HAPSTR1: variants seen among roughly 807,000 people sequenced by gnomAD.
HAPSTR1 encodes HUWE1-associated protein modifying stress responses 1.
the HAPSTR1 span, among the ~76,000 whole-genome samples, chr16:9,100,571 T>C: frequency 6.6e-6 from 1 of 152,332 alleles, no homozygotes; most frequent in East Asian, 1.9e-4. Context: ...TCTTACTCTT[T>C]CGCCCAGGCT....
chr16:9,091,774 G>C, the HAPSTR1 span: 1 of 395,578 alleles, frequency 2.5e-6, no homozygotes, highest in Non-Finnish European at 4.5e-6. Context: ...CGGCCGAGGC[G>C]AGGGGCGGCA....
the HAPSTR1 span, chr16:9,119,779 A>C: frequency 6.6e-6 from 1 of 152,270 alleles, no homozygotes; most frequent in East Asian, 1.9e-4. Flanking sequence ...AGGCTTTTAA[A>C]AAAGAATTAG....
the HAPSTR1 span, among the ~76,000 whole-genome samples, chr16:9,097,108 T>G: frequency 6.6e-6 from 1 of 151,814 alleles, no homozygotes; most frequent in Non-Finnish European, 1.5e-5. Context: ...CCAGGCTACT[T>G]TTTGTATGTT....
chr16:9,111,103 AGAATTAATTAGAACCAACCTGTTG>A, the HAPSTR1 span: 1 of 152,252 alleles, frequency 6.6e-6, no homozygotes, highest in Admixed American at 6.5e-5. Flanking sequence ...TCTGTTGCAG[AGAATTAATTAGAACCAACCTGTTG>A]GATTATACAC....
the HAPSTR1 span, chr16:9,093,079 G>T: frequency 7.3e-7 from 1 of 1,368,912 alleles, no homozygotes; most frequent in South Asian, 1.2e-5. Context: ...TTCCAAGTGT[G>T]TTTTCTGCTC....
chr16:9,116,657 C>G, the HAPSTR1 span: 1 of 1,601,408 alleles, frequency 6.2e-7, no homozygotes, highest in Admixed American at 1.7e-5. Flanking sequence ...AACCTTTTTT[C>G]TTCTTCCTAG....
chr16:9,117,979 A>G, the HAPSTR1 span: 23 of 152,662 alleles, frequency 1.5e-4, no homozygotes, highest in African/African-American at 5.3e-4. Context: ...TAAAAAGTTC[A>G]GTTTGGAATC....
chr16:9,092,251 C>T, the HAPSTR1 span: 39 of 1,570,342 alleles, frequency 2.5e-5, no homozygotes, highest in South Asian at 1.5e-4. Context: ...CGGCCACCGC[C>T]GTGGCCCAGC....
At chr16:9,092,863 T>C in the HAPSTR1 span, 2 of 1,449,084 alleles carry the variant, frequency 1.4e-6, no homozygotes, top group Non-Finnish European at 1.9e-6. Flanking sequence ...TTTCTTTCTC[T>C]TTCTATGTGT....
chr16:9,095,242 A>G, the HAPSTR1 span, among the ~76,000 whole-genome samples: 2 of 152,160 alleles, frequency 1.3e-5, no homozygotes, highest in Non-Finnish European at 2.9e-5. Context: ...GAGTGTGTGG[A>G]TAATACTCTG....
At chr16:9,100,964 A>G in the HAPSTR1 span, among the ~76,000 whole-genome samples, 5 of 152,172 alleles carry the variant, frequency 3.3e-5, no homozygotes, top group African/African-American at 1.2e-4. Flanking sequence ...AGAATAAAAT[A>G]CCCTCATTCT....
chr16:9,115,973 C>T, the HAPSTR1 span, among the ~76,000 whole-genome samples: 1 of 152,182 alleles, frequency 6.6e-6, no homozygotes, highest in Admixed American at 6.5e-5. Flanking sequence ...CCTCTCCCCT[C>T]CCCACTTCCA....
At chr16:9,105,346 G>C in the HAPSTR1 span, 2 of 152,150 alleles carry the variant, frequency 1.3e-5, no homozygotes, top group African/African-American at 4.8e-5. Context: ...CTTACTCTTA[G>C]GGTTCATACC....
the HAPSTR1 span, chr16:9,120,695 T>TTTTTTTTTG: frequency 7.9e-6 from 1 of 126,062 alleles, no homozygotes; most frequent in Non-Finnish European, 1.7e-5. Context: ...TTTTTTTTTT[T>TTTTTTTTTG]GTGATGGAGT....
the HAPSTR1 span, among the ~76,000 whole-genome samples, chr16:9,101,320 G>T: frequency 2.0e-5 from 3 of 152,190 alleles, no homozygotes; most frequent in Non-Finnish European, 2.9e-5. Flanking sequence ...GAAGAAGTGA[G>T]AAATCAAAAT....
the HAPSTR1 span, among the ~76,000 whole-genome samples, chr16:9,093,829 A>G: frequency 6.6e-6 from 1 of 151,896 alleles, no homozygotes; most frequent in Non-Finnish European, 1.5e-5. Flanking sequence ...GAAGATTGAG[A>G]AATTTGGGGT....
chr16:9,092,155 G>T, the HAPSTR1 span: 2 of 1,563,760 alleles, frequency 1.3e-6, no homozygotes, highest in Non-Finnish European at 1.7e-6. Flanking sequence ...AGGACGAGCA[G>T]CTGCCCCCCG....
chr16:9,099,188 A>G, the HAPSTR1 span, among the ~76,000 whole-genome samples: 1 of 151,356 alleles, frequency 6.6e-6, no homozygotes, highest in Non-Finnish European at 1.5e-5. Context: ...TGTATGAATC[A>G]GTTCATTTTC....
At chr16:9,094,740 ATTC>A in the HAPSTR1 span, among the ~76,000 whole-genome samples, 1 of 152,044 alleles carries the variant, frequency 6.6e-6, no homozygotes, top group Non-Finnish European at 1.5e-5. Flanking sequence ...ACCATGGTTT[ATTC>A]TTTTGCTTTT....
Sources: gnomAD v4.1 joint callset for allele counts (sites outside exome capture counted in the v4.1 genomes callset) on GRCh38, gnomAD v4.1.1 for gene constraint, MANE v1.5 for transcripts, NCBI Gene and HGNC (gene_info 2026-07-23, HGNC 2026-07-21) for gene names.